NDUFA9: variants seen among roughly 807,000 people sequenced by gnomAD.
NDUFA9 encodes the protein NADH dehydrogenase [ubiquinone] 1 alpha subcomplex subunit 9, mitochondrial.
In NDUFA9, 23 loss-of-function variants were observed where a neutral mutation model predicts 45.9. That is an observed-to-expected ratio of 0.50 (90% CI 0.36 to 0.71). The LOEUF is 0.71. Among genes scored for constraint, NDUFA9 ranks in the 30% least tolerant of loss-of-function variants. The pLI is 0.00. For missense variants in NDUFA9, 466 were observed against 488.2 expected (o/e 0.95, Z 0.43); for synonymous variants, 176 against 170.5 (o/e 1.03, Z -0.25).
chr12:4,654,202 A>G (rs186636159), intron 1 of NDUFA9, 90 bp from the exon 2 acceptor site: 2 of 1,276,286 alleles, frequency 1.6e-6, no homozygotes, highest in African/African-American at 3.0e-5. Context: ...AAATAATGTT[A>G]CAAGTTTTTA....
At position 4,669,837 on chromosome 12, in the gene NDUFA9, ATT is replaced by A; in HGVS notation, c.800+23_800+24del. 6.4e-7 allele frequency: 1 copy of A among 1,561,280 alleles called. No individual in the cohort carries two copies. The highest frequency in any genetic ancestry group is 8.8e-7 in the Non-Finnish European group (1 of 1,132,478). ...CGTTGGGTAAGTGCTTAGAGTTTGA[ATT>A]TTAAATTGTGCTATTATAATGAAGG... On this transcript the variant is annotated intron_variant, in intron 8 of 10. Coordinates refer to ENST00000266544, the MANE Select transcript of NDUFA9 (RefSeq NM_005002.5).
intron 3 of NDUFA9, among the ~76,000 whole-genome samples, chr12:4,656,432 A>G (rs1177247950): frequency 1.3e-5 from 2 of 152,340 alleles, no homozygotes; most frequent in African/African-American, 2.4e-5. Flanking sequence ...TTATTTCTGC[A>G]GAGATTTATT....
At chr12:4,683,644 A>G (rs1945967283) in intron 9 of NDUFA9, among the ~76,000 whole-genome samples, 1 of 152,218 alleles carries the variant, frequency 6.6e-6, no homozygotes, top group South Asian at 2.1e-4. Flanking sequence ...AAAGTAAGTA[A>G]GGAGAGTATG....
At position 4,662,782 on chromosome 12, in the gene NDUFA9, A is replaced by G; in HGVS notation, c.655+147A>G. On this transcript the variant is annotated intron_variant, in intron 6 of 10. Transcript: ENST00000266544. ...TTTCCTCCCCTAAGTTTATATTTTC[A>G]TAGTCAATGTAGTCTTTGTTATATT... The G allele has an allele frequency of 1.0e-5, 6 of 581,040 alleles. No individual in the cohort carries two copies. In the South Asian group the frequency reaches 1.3e-4, roughly 13 times the overall value. 36.0% of individuals were successfully genotyped at this position (581,040 alleles called of 1,614,324 possible).
intron 5 of NDUFA9, among the ~76,000 whole-genome samples, chr12:4,659,560 G>A (rs546971179): frequency 8.5e-5 from 13 of 152,152 alleles, no homozygotes; most frequent in Non-Finnish European, 1.6e-4. Context: ...CAGTGGTTTT[G>A]TGCCACTCTT....
At position 4,682,265 on chromosome 12, in the gene NDUFA9, G is replaced by A. The variant is rs775365757; in HGVS notation, c.861G>A (p.Leu287=). The change falls in exon 9 of 11, where the codon TTG becomes TTA. Residue 287 remains leucine (L), a synonymous_variant. Coordinates refer to ENST00000266544, the MANE Select transcript of NDUFA9 (RefSeq NM_005002.5). ...ACATCTTTGCTGTGGCTCACAGATT[G>A]TTCCTCCCATTCCCCTTGCCGCTTT... The part of the protein sequence containing the change: ...VKYIFAVAHR[L]FLPFPLPLFA... 6.2e-7 allele frequency: 1 copy of A among 1,613,108 alleles called. No homozygotes were observed. Among genetic ancestry groups the A allele is most frequent in the East Asian group, 2.2e-5 (1 of 44,852 alleles).
Position 4,692,229 on chromosome 12 carries a change from A to G in NDUFA9, c.*5121A>G, listed in dbSNP as rs1360087432. 2.6e-5 allele frequency: 4 copies of G among 152,198 alleles called. No homozygotes were observed. The highest frequency in any genetic ancestry group is 9.7e-5 in the African/African-American group (4 of 41,442). The allele number at this position is 152,198 out of a possible 1,614,324, so 9.4% of individuals were successfully genotyped here. A position where few individuals can be genotyped will look rare whatever the true frequency, so the allele number is the denominator to read the frequency against. The stretch of plus-strand genomic sequence containing the variant: ...TGGAGTTGGGGCCTAGTGGGAGGCG[A>G]TTAGATCATGGAGTAGATTTATCAT... On this transcript the variant is annotated 3_prime_UTR_variant, in exon 11 of 11. Transcript: ENST00000266544.
chr12:4,681,791 T>G (rs1421576111), intron 8 of NDUFA9, among the ~76,000 whole-genome samples: 1 of 147,182 alleles, frequency 6.8e-6, no homozygotes, highest in African/African-American at 2.4e-5. Context: ...GAATGTTCAT[T>G]AAAACATTAT....
In NDUFA9 at chr12:4,685,289, A is replaced by G. The variant is rs2137488781; in HGVS notation, c.927A>G (p.Pro309=). 1 of 1,614,090 alleles carries G rather than the reference A, an allele frequency of 6.2e-7. No individual in the cohort carries two copies. Among genetic ancestry groups the G allele is most frequent in the Non-Finnish European group, 8.5e-7 (1 of 1,179,962 alleles). The change falls in exon 10 of 11, where the codon CCA becomes CCG. Residue 309 remains proline (P), a synonymous_variant. Coordinates refer to ENST00000266544, the MANE Select transcript of NDUFA9 (RefSeq NM_005002.5). ...RWVARVFEIS[P]FEPWITRDKV... is the part of the protein sequence containing the mutation. ...TAGCAAGAGTCTTTGAAATAAGCCC[A>G]TTTGAGCCCTGGATAACAAGGGATA...
At chr12:4,682,632 CCT>C (rs1366503672) in intron 9 of NDUFA9, among the ~76,000 whole-genome samples, 1 of 152,166 alleles carries the variant, frequency 6.6e-6, no homozygotes, top group Non-Finnish European at 1.5e-5. Context: ...GTCAGGTTCC[CCT>C]GTGTTTCATG....
At position 4,693,113 on chromosome 12, in the gene NDUFA9, C is replaced by T. The variant is rs1158495291; in HGVS notation, c.*6005C>T. The T allele has an allele frequency of 6.6e-6, 1 of 152,160 alleles. No individual in the cohort carries two copies. The allele number at this position is 152,160 out of a possible 1,614,324, so 9.4% of individuals were successfully genotyped here. A position where few individuals can be genotyped will look rare whatever the true frequency, so the allele number is the denominator to read the frequency against. On this transcript the variant is annotated 3_prime_UTR_variant, in exon 11 of 11. Coordinates refer to ENST00000266544, the MANE Select transcript of NDUFA9 (RefSeq NM_005002.5). Reference sequence around the variant, plus strand: ...CAGCCTGGGCAACAGAGTGAAACCCCATCTCTTTAAAAAAATAAAGCACTT... The same window carrying T: ...CAGCCTGGGCAACAGAGTGAAACCCTATCTCTTTAAAAAAATAAAGCACTT...
intron 7 of NDUFA9, 61 bp downstream of exon 7, chr12:4,668,585 C>G (rs1945867287): frequency 6.9e-7 from 1 of 1,439,206 alleles, no homozygotes; most frequent in East Asian, 2.3e-5. Context: ...TTTGAGTGAT[C>G]AAGTTTCTGG....
Position 4,652,872 on chromosome 12 carries a change from G to A in NDUFA9, c.50-1420G>A, listed in dbSNP as rs576923117. On this transcript the variant is annotated intron_variant, in intron 1 of 10. Transcript: ENST00000266544. ...ACTTTTAATTTCTGTCACTATCAGT[G>A]AGCTAGGCTATTTCTCCAATTCAAT... 3.9e-5 allele frequency among the ~76,000 whole-genome samples: 6 copies of A among 152,382 alleles called. No homozygotes were observed. In the South Asian group the frequency reaches 1.2e-3, roughly 32 times the overall value.
intron 10 of NDUFA9, among the ~76,000 whole-genome samples, chr12:4,686,734 T>C (rs1945988903): frequency 6.6e-6 from 1 of 152,222 alleles, no homozygotes; most frequent in Non-Finnish European, 1.5e-5. Context: ...CTTGGTGATC[T>C]CGCCCTCTTT....
intron 8 of NDUFA9, among the ~76,000 whole-genome samples, chr12:4,678,235 A>C (rs1019242874): frequency 1.3e-5 from 2 of 152,156 alleles, no homozygotes; most frequent in African/African-American, 4.8e-5. Flanking sequence ...ATACCTATGT[A>C]ACAAACCTGT....
chr12:4,654,376 A>G lies in NDUFA9; in HGVS notation c.134A>G (p.Lys45Arg), dbSNP rs781211782. Residue 45 changes from lysine (K) to arginine (R), a missense_variant, in exon 2 of 11, where the codon AAA (lysine) becomes AGA (arginine). Lys to Arg is a conservative substitution (Grantham distance 26). Transcript: ENST00000266544. ...QLHHALMPHG[K>R]GGRSSVSGIV... ...CATCATGCCCTCATGCCTCATGGGA[A>G]AGGTGGACGTTCCTCAGTCAGTGGG... is the stretch of plus-strand genomic sequence containing the variant. 7.4e-6 allele frequency: 12 copies of G among 1,614,154 alleles called. No homozygotes were observed. The highest frequency in any genetic ancestry group is 1.0e-5 in the Non-Finnish European group (12 of 1,180,006).
chr12:4,676,168 A>G (rs1297454768), intron 8 of NDUFA9, among the ~76,000 whole-genome samples: 1 of 152,208 alleles, frequency 6.6e-6, no homozygotes, highest in Non-Finnish European at 1.5e-5. Context: ...TTTATGACAA[A>G]CCCACAGCCA....
chr12:4,674,458 T>G (rs902709637), intron 8 of NDUFA9, among the ~76,000 whole-genome samples: 5 of 151,770 alleles, frequency 3.3e-5, no homozygotes, highest in African/African-American at 1.2e-4. Context: ...ACACATAGGC[T>G]CAAAATAAAG....
chr12:4,662,776 A>C, intron 6 of NDUFA9, 141 bp downstream of exon 6: 1 of 588,220 alleles, frequency 1.7e-6, no homozygotes, highest in Non-Finnish European at 3.0e-6. Flanking sequence ...CTAAGTTTAT[A>C]TTTTCATAGT....
Sources: gnomAD v4.1 joint callset for allele counts (sites outside exome capture counted in the v4.1 genomes callset) on GRCh38, gnomAD v4.1.1 for gene constraint, MANE v1.5 for transcripts, NCBI Gene and HGNC (gene_info 2026-07-23, HGNC 2026-07-21) for gene names.